Variants in CLEC3B observed in about 807,000 individuals in gnomAD.
The protein encoded by CLEC3B is C-type lectin domain family 3 member B.
Under a neutral mutation model 15.4 loss-of-function variants are expected in CLEC3B, and 13 were observed. That is an observed-to-expected ratio of 0.84 (90% CI 0.55 to 1.34). The LOEUF is 1.34. Ranked by LOEUF, CLEC3B falls within the 40% of genes most tolerant of loss-of-function variation. The pLI, the probability that CLEC3B is intolerant of heterozygous loss-of-function variation, is 0.00. For synonymous variants in CLEC3B, 112 were observed against 114.7 expected (o/e 0.98, Z 0.15); for missense variants, 242 against 268.6 (o/e 0.90, Z 0.69).
intron 2 of CLEC3B, among the ~76,000 whole-genome samples, chr3:45,034,297 G>A (rs1298595908): frequency 6.6e-6 from 1 of 152,226 alleles, no homozygotes; most frequent in African/African-American, 2.4e-5. Flanking sequence ...GCTGACTTGG[G>A]GCAGAGTCTG....
intron 2 of CLEC3B, among the ~76,000 whole-genome samples, chr3:45,033,043 A>G (rs770169641): frequency 2.6e-5 from 4 of 152,182 alleles, no homozygotes; most frequent in Non-Finnish European, 4.4e-5. Context: ...TCCAGCCTCT[A>G]TAGTGGAGGT....
intron 1 of CLEC3B, among the ~76,000 whole-genome samples, chr3:45,026,812 G>GC (rs1192978465): frequency 6.6e-6 from 1 of 152,196 alleles, no homozygotes; most frequent in Non-Finnish European, 1.5e-5. Flanking sequence ...CACAGGCTGG[G>GC]CTTTGGAGTC....
chr3:45,027,793 G>A (rs1022788982), intron 1 of CLEC3B, among the ~76,000 whole-genome samples: 1 of 152,166 alleles, frequency 6.6e-6, no homozygotes, highest in Non-Finnish European at 1.5e-5. Context: ...AGCCAAAATC[G>A]CCACCAAGGG....
rs748078860 is a variant in CLEC3B, at chr3:45,035,813, T to C, written c.498T>C (p.Asp166=). 10 of 1,613,382 alleles carry C rather than the reference T, an allele frequency of 6.2e-6. No homozygotes were observed. Among genetic ancestry groups the C allele is most frequent in the Non-Finnish European group, 8.5e-6 (10 of 1,179,954 alleles). ...NWETEITAQP[D]GGKTENCAVL... ...AGACTGAGATCACCGCGCAACCCGA[T>C]GGCGGCAAGACCGAGAACTGCGCGG... Residue 166 remains aspartate, a synonymous_variant, in exon 3 of 3, where the codon GAT becomes GAC. Transcript: ENST00000296130.
intron 2 of CLEC3B, among the ~76,000 whole-genome samples, chr3:45,031,790 T>G (rs1430220609): frequency 6.6e-6 from 1 of 151,968 alleles, no homozygotes; most frequent in African/African-American, 2.4e-5. Context: ...TCACCTTCCA[T>G]TCTATGGAGA....
chr3:45,031,041 C>T, intron 2 of CLEC3B, 116 bp downstream of exon 2: 3 of 705,608 alleles, frequency 4.3e-6, no homozygotes, highest in Non-Finnish European at 2.3e-6. Context: ...TCCATTAGTC[C>T]AGGCCTATGG....
intron 1 of CLEC3B, among the ~76,000 whole-genome samples, chr3:45,029,086 C>A (rs1301853749): frequency 6.6e-6 from 1 of 152,188 alleles, no homozygotes; most frequent in Non-Finnish European, 1.5e-5. Context: ...AGAGAGTGGG[C>A]CAGCACAAAG....
chr3:45,026,395 C>G lies in CLEC3B; in HGVS notation c.33C>G (p.Cys11Trp). 4 of 1,614,114 alleles carry G rather than the reference C, an allele frequency of 2.5e-6. No individual in the cohort carries two copies. The highest frequency in any genetic ancestry group is 3.4e-6 in the Non-Finnish European group (4 of 1,180,016). Residue 11 changes from cysteine to tryptophan, a missense_variant, in exon 1 of 3, where the codon TGC becomes TGG. Cys to Trp is a radical substitution (Grantham distance 215, BLOSUM62 -2). Coordinates refer to ENST00000296130, the MANE Select transcript of CLEC3B (RefSeq NM_003278.3). MELWGAYLLLCLFSLLTQVTT... is the reference protein window; with the variant it reads MELWGAYLLLWLFSLLTQVTT... Reference sequence around the variant, plus strand: ...TCTGGGGGGCCTACCTCCTCCTCTGCCTCTTCTCCCTCCTGACCCAGGTCA... The same window carrying G: ...TCTGGGGGGCCTACCTCCTCCTCTGGCTCTTCTCCCTCCTGACCCAGGTCA...
chr3:45,028,915 C>G (rs879638913), intron 1 of CLEC3B, among the ~76,000 whole-genome samples: 1 of 152,184 alleles, frequency 6.6e-6, no homozygotes, highest in Non-Finnish European at 1.5e-5. Flanking sequence ...GCCTAGAGTA[C>G]TTCTGGGAGC....
chr3:45,028,574 A>C (rs554746160), intron 1 of CLEC3B, among the ~76,000 whole-genome samples: 1 of 152,286 alleles, frequency 6.6e-6, no homozygotes, highest in Admixed American at 6.5e-5. Flanking sequence ...ATAAATCAAT[A>C]AATAAAATAA....
In CLEC3B at chr3:45,026,405, C is replaced by G. The variant is rs749574822; in HGVS notation, c.43C>G (p.Leu15Val). ...CTACCTCCTCCTCTGCCTCTTCTCCCTCCTGACCCAGGTCACCACCGAGCC... is the reference window on the plus strand; with the variant it reads ...CTACCTCCTCCTCTGCCTCTTCTCCGTCCTGACCCAGGTCACCACCGAGCC... ...GAYLLLCLFS[L>V]LTQVTTEPPT... The change falls in exon 1 of 3, where the codon CTC becomes GTC. Residue 15 changes from leucine to valine, a missense_variant. Leu to Val is a conservative substitution (Grantham distance 32). Transcript: ENST00000296130. 1.2e-6 allele frequency: 2 copies of G among 1,614,114 alleles called. No individual in the cohort carries two copies. Among genetic ancestry groups the G allele is most frequent in the South Asian group, 2.2e-5 (2 of 91,068 alleles).
rs1458551928 is a variant in CLEC3B, at chr3:45,030,834, G to A, written c.117G>A (p.Val39=). The A allele has an allele frequency of 1.4e-5, 22 of 1,588,952 alleles. No individual in the cohort carries two copies. Among genetic ancestry groups the A allele is most frequent in the Non-Finnish European group, 1.9e-5 (22 of 1,167,532 alleles). The change falls in exon 2 of 3, where the codon GTG becomes GTA. Residue 39 remains valine (V), a synonymous_variant. Transcript: ENST00000296130. ...KKIVNAKKDV[V]NTKMFEELKS... is the part of the protein sequence containing the mutation. ...TATTTCCTCCTGCTTCAGATGTTGT[G>A]AACACAAAGATGTTTGAGGAGCTCA...
intron 1 of CLEC3B, among the ~76,000 whole-genome samples, 172 bp from the exon 2 acceptor site, chr3:45,030,655 G>A (rs528765178): frequency 1.3e-5 from 2 of 152,340 alleles, no homozygotes; most frequent in East Asian, 3.9e-4. Flanking sequence ...TGGGCCCCCT[G>A]GCAGAAGTCA....
At chr3:45,028,389 C>G (rs1453129310) in intron 1 of CLEC3B, among the ~76,000 whole-genome samples, 1 of 152,158 alleles carries the variant, frequency 6.6e-6, no homozygotes. Flanking sequence ...AACCCTGTCT[C>G]TACTAAAAAT....
intron 1 of CLEC3B, chr3:45,030,154 C>T: frequency 4.1e-6 from 4 of 985,700 alleles, no homozygotes; most frequent in Non-Finnish European, 4.8e-6. Flanking sequence ...GCCTGGCCTC[C>T]TCTGTAAGAG....
chr3:45,034,868 T>C (rs1413592459), intron 2 of CLEC3B, among the ~76,000 whole-genome samples: 1 of 152,160 alleles, frequency 6.6e-6, no homozygotes, highest in Non-Finnish European at 1.5e-5. Context: ...AAAAGGCACT[T>C]GGCAGGCCCT....
chr3:45,029,853 C>T (rs983466188), intron 1 of CLEC3B, among the ~76,000 whole-genome samples: 2 of 152,190 alleles, frequency 1.3e-5, no homozygotes, highest in African/African-American at 2.4e-5. Flanking sequence ...TATGCTTCCC[C>T]GCCTTCCCCT....
chr3:45,034,931 G>A (rs1232763987), intron 2 of CLEC3B, among the ~76,000 whole-genome samples: 3 of 152,222 alleles, frequency 2.0e-5, no homozygotes, highest in Non-Finnish European at 4.4e-5. Flanking sequence ...GGTACATGAA[G>A]TGTGGCCTAG....
chr3:45,035,476 T>C (rs772829849), intron 2 of CLEC3B, 48 bp from the exon 3 acceptor site: 168 of 1,552,314 alleles, frequency 1.1e-4, no homozygotes, highest in Non-Finnish European at 1.4e-4. Context: ...GCTCTTTGCC[T>C]GGGGAACAGG....
Sources: gnomAD v4.1 joint callset for allele counts (sites outside exome capture counted in the v4.1 genomes callset) on GRCh38, gnomAD v4.1.1 for gene constraint, MANE v1.5 for transcripts, NCBI Gene and HGNC (gene_info 2026-07-23, HGNC 2026-07-21) for gene names.